CAMSAP1: variants seen among roughly 807,000 people sequenced by gnomAD.
The protein encoded by CAMSAP1 is calmodulin regulated spectrin associated protein 1.
A neutral mutation model predicts 143.5 loss-of-function variants in CAMSAP1; 58 were observed. That is an observed-to-expected ratio of 0.40 (90% CI 0.33 to 0.50). CAMSAP1 has a LOEUF of 0.50. CAMSAP1 is among the 20% of genes least tolerant of loss of function. CAMSAP1 has a pLI of 0.45. For missense variants in CAMSAP1, 1,969 were observed against 2,115.7 expected, an observed-to-expected ratio of 0.93 and a Z score of 1.36; for synonymous variants, 945 against 859.3, an observed-to-expected ratio of 1.10 and a Z score of -1.74.
At chr9:135,866,369 A>G (rs1837378826) in intron 4 of CAMSAP1, 87 bp downstream of exon 4, 4 of 722,210 alleles carry the variant, frequency 5.5e-6, no homozygotes, top group African/African-American at 5.3e-5. Context: ...ATAGAGAATA[A>G]GCAAATAGTG....
At position 135,907,240 on chromosome 9, in the gene CAMSAP1, C is replaced by T. The variant is rs906395853; in HGVS notation, c.-81G>A. 3 of 906,188 alleles carry T rather than the reference C, an allele frequency of 3.3e-6. No homozygotes were observed. In the African/African-American group the frequency reaches 5.4e-5, roughly 16 times the overall value. 56.1% of individuals were successfully genotyped at this position (906,188 alleles called of 1,614,324 possible). On this transcript the variant is annotated 5_prime_UTR_variant, in exon 1 of 17. Coordinates refer to ENST00000389532, the MANE Select transcript of CAMSAP1 (RefSeq NM_015447.4). ...TCGCCGCGCCGGGCCCGGTGCGCCC[C>T]GAGCCACCACTCGGCCCCGCAGCCG...
chr9:135,895,450 C>T (rs1175774752), intron 1 of CAMSAP1, among the ~76,000 whole-genome samples: 1 of 152,136 alleles, frequency 6.6e-6, no homozygotes, highest in Non-Finnish European at 1.5e-5. Context: ...AGGAAAAGAA[C>T]TGTCAATCAA....
chr9:135,860,041 CA>C (rs757256066), intron 5 of CAMSAP1, among the ~76,000 whole-genome samples: 113 of 120,258 alleles, frequency 9.4e-4, no homozygotes, highest in Admixed American at 1.2e-3. Flanking sequence ...CCTATCTCCA[CA>C]AAAAAAAAAA....
chr9:135,856,701 A>G (rs562118962), intron 5 of CAMSAP1, among the ~76,000 whole-genome samples: 2 of 152,268 alleles, frequency 1.3e-5, no homozygotes, highest in South Asian at 2.1e-4. Flanking sequence ...ATACACCATA[A>G]CTATGTAACC....
In CAMSAP1 at chr9:135,886,161, C is replaced by A. The variant is rs537901402; in HGVS notation, c.161-3083G>T. On this transcript the variant is annotated intron_variant, in intron 1 of 16. Coordinates refer to ENST00000389532, the MANE Select transcript of CAMSAP1 (RefSeq NM_015447.4). ...AAGACTGTTAGAATTAATACACATTCATTCGACAATTATTAAGTACCCATG... is the reference window on the plus strand; with the variant it reads ...AAGACTGTTAGAATTAATACACATTAATTCGACAATTATTAAGTACCCATG... Among the ~76,000 whole-genome samples, 3 of 152,204 alleles carry A rather than the reference C, an allele frequency of 2.0e-5. No individual in the cohort carries two copies. The South Asian group carries it at 6.2e-4, about 32-fold the overall frequency.
intron 14 of CAMSAP1, 66 bp from the exon 15 acceptor site, chr9:135,816,071 A>G: frequency 6.7e-7 from 1 of 1,486,260 alleles, no homozygotes; most frequent in Non-Finnish European, 9.3e-7. Context: ...ACTGCTGGCA[A>G]GGGGCTGGCC....
intron 7 of CAMSAP1, among the ~76,000 whole-genome samples, chr9:135,843,448 T>C (rs1836436887): frequency 6.6e-6 from 1 of 152,020 alleles, no homozygotes; most frequent in Non-Finnish European, 1.5e-5. Flanking sequence ...GGAGGAACAT[T>C]TACCAAGCAA....
chr9:135,811,865 T>C lies in CAMSAP1; in HGVS notation c.4507-254A>G, dbSNP rs1457707394. Among the ~76,000 whole-genome samples the C allele has an allele frequency of 6.6e-6, 1 of 152,172 alleles. No individual in the cohort carries two copies. Among genetic ancestry groups the C allele is most frequent in the Non-Finnish European group, 1.5e-5 (1 of 68,036 alleles). ...TTTTACGATTAAATGGAAAAGCATATGAAAAGATGCTCATCATCAGCCACC... is the reference window on the plus strand; with the variant it reads ...TTTTACGATTAAATGGAAAAGCATACGAAAAGATGCTCATCATCAGCCACC... On this transcript the variant is annotated intron_variant, in intron 16 of 16. Coordinates refer to ENST00000389532, the MANE Select transcript of CAMSAP1 (RefSeq NM_015447.4). The surrounding 1 kb of genome is among the most constrained non-coding windows in gnomAD (Gnocchi z 4.9).
rs1835439619 is a variant in CAMSAP1, at chr9:135,821,160, G to C, written c.3501C>G (p.Asp1167Glu). The change falls in exon 11 of 17, where the codon GAC (aspartate) becomes GAG (glutamate). Residue 1167 changes from aspartate (D) to glutamate (E), a missense_variant. By Grantham distance (45) the Asp-to-Glu change is conservative (BLOSUM62 2). Coordinates refer to ENST00000389532, the MANE Select transcript of CAMSAP1 (RefSeq NM_015447.4). The surrounding 1 kb of genome is among the most constrained non-coding windows in gnomAD (Gnocchi z 4.6). ...SGDPHGKCLFDSYRLHDESNQ... is the reference protein window; with the variant it reads ...SGDPHGKCLFESYRLHDESNQ... ...TGCTTTCATCATGGAGCCTGTAACT[G>C]TCGAAGAGACACTTCCCATGTGGGT... 2 of 1,611,690 alleles carry C rather than the reference G, an allele frequency of 1.2e-6. No homozygotes were observed. The highest frequency in any genetic ancestry group is 1.7e-5 in the Admixed American group (1 of 60,014).
At chr9:135,869,401 G>A (rs990183676) in intron 3 of CAMSAP1, among the ~76,000 whole-genome samples, 9 of 151,890 alleles carry the variant, frequency 5.9e-5, no homozygotes, top group Admixed American at 5.2e-4. Flanking sequence ...TACTTGAGAG[G>A]CTGAGGCAGG....
chr9:135,809,388 T>C lies in CAMSAP1; in HGVS notation c.*1921A>G, dbSNP rs1309030008. 1 of 152,208 alleles carries C rather than the reference T, an allele frequency of 6.6e-6. No individual in the cohort carries two copies. The highest frequency in any genetic ancestry group is 1.5e-5 in the Non-Finnish European group (1 of 68,036). 9.4% of individuals were successfully genotyped at this position (152,208 alleles called of 1,614,324 possible). ...TCCATGGAGAAAATCCAGAATTGAT[T>C]CAGACGTCCCATGGGAATGCAATTT... is the stretch of plus-strand genomic sequence containing the variant. On this transcript the variant is annotated 3_prime_UTR_variant, in exon 17 of 17. Transcript: ENST00000389532.
chr9:135,877,384 T>C (rs1837788706), intron 3 of CAMSAP1, among the ~76,000 whole-genome samples: 1 of 151,266 alleles, frequency 6.6e-6, no homozygotes, highest in Admixed American at 6.6e-5. Flanking sequence ...TTGTTTAGGG[T>C]GATGGAAACA....
Position 135,822,477 on chromosome 9 carries a change from T to A in CAMSAP1, c.2184A>T (p.Ser728=), listed in dbSNP as rs753477123. Residue 728 remains serine, a synonymous_variant, in exon 11 of 17, where the codon TCA becomes TCT. Coordinates refer to ENST00000389532, the MANE Select transcript of CAMSAP1 (RefSeq NM_015447.4). This position sits in a 1 kb window ranked among gnomAD's most constrained non-coding sequence, Gnocchi z 6.1. ...SCSKSPNSHD[S]EPWTLLRQDS... ...CCTGCCTGAGGAGAGTCCACGGCTC[T>A]GAATCGTGGGAGTTGGGGCTTTTTG... 3.7e-6 allele frequency: 6 copies of A among 1,613,838 alleles called. No individual in the cohort carries two copies. The highest frequency in any genetic ancestry group is 5.1e-6 in the Non-Finnish European group (6 of 1,179,902).
intron 10 of CAMSAP1, 52 bp downstream of exon 10, chr9:135,823,898 G>A (rs990930779): frequency 4.9e-6 from 7 of 1,432,158 alleles, no homozygotes; most frequent in African/African-American, 1.4e-5. Context: ...AAGAACTGCT[G>A]TTTAGTATAA....
At position 135,821,053 on chromosome 9, in the gene CAMSAP1, G is replaced by A. The variant is rs376337528; in HGVS notation, c.3608C>T (p.Ala1203Val). 68 of 1,613,772 alleles carry A rather than the reference G, an allele frequency of 4.2e-5. No homozygotes were observed. The highest frequency in any genetic ancestry group is 7.7e-5 in the South Asian group (7 of 91,070). Reference protein sequence around the residue: ...EQMSLKEVLDASVKEVGSSSS... With the variant: ...EQMSLKEVLDVSVKEVGSSSS... ...GCTGGACCCCACCTCCTTCACACTC[G>A]CATCCAGAACTTCTTTGAGGCTCAT... The change falls in exon 11 of 17, where the codon GCG (alanine) becomes GTG (valine). Residue 1203 changes from alanine (A) to valine (V), a missense_variant. By Grantham distance (64) the Ala-to-Val change is moderately conservative. Transcript: ENST00000389532. The surrounding 1 kb of genome is among the most constrained non-coding windows in gnomAD (Gnocchi z 4.6).
At chr9:135,848,075 G>A (rs1180921633) in intron 7 of CAMSAP1, among the ~76,000 whole-genome samples, 1 of 151,232 alleles carries the variant, frequency 6.6e-6, no homozygotes, top group African/African-American at 2.4e-5. Flanking sequence ...GAATAGAAAC[G>A]AATCTGAAAA....
intron 5 of CAMSAP1, among the ~76,000 whole-genome samples, chr9:135,851,969 G>A (rs551162652): frequency 5.3e-5 from 8 of 152,226 alleles, no homozygotes; most frequent in African/African-American, 1.2e-4. Flanking sequence ...GTTGTGCCTC[G>A]CTCCAGTCCC....
chr9:135,814,951 C>T, intron 16 of CAMSAP1, 146 bp downstream of exon 16: 1 of 648,790 alleles, frequency 1.5e-6, no homozygotes, highest in South Asian at 1.9e-5. Flanking sequence ...TCCCACCTGC[C>T]TGGAACGGCC....
intron 1 of CAMSAP1, among the ~76,000 whole-genome samples, chr9:135,888,656 C>T (rs1030159550): frequency 2.6e-5 from 4 of 152,188 alleles, no homozygotes; most frequent in Admixed American, 2.0e-4. Flanking sequence ...GTCACCTCTG[C>T]AGAGGCCCCA....
Sources: allele counts gnomAD v4.1 joint callset (sites outside exome capture counted in the v4.1 genomes callset), GRCh38; gene constraint gnomAD v4.1.1; non-coding constraint Gnocchi (gnomAD v3.1); transcripts MANE v1.5; gene names NCBI Gene and HGNC (gene_info 2026-07-23, HGNC 2026-07-21).